Variants in FBN2 observed in about 807,000 individuals in gnomAD.
FBN2 encodes the protein fibrillin-2.
In FBN2, 105 loss-of-function variants were observed where a neutral mutation model predicts 355.6. The ratio of observed to expected loss-of-function variants is 0.30; its 90% CI spans 0.25 to 0.35. The LOEUF (loss-of-function observed/expected upper bound fraction) is 0.35. FBN2 is among the 10% of genes least tolerant of loss of function. FBN2 has a pLI of 1.00. For synonymous variants in FBN2, 1,350 were observed against 1,301.2 expected, an observed-to-expected ratio of 1.04 and a Z score of -0.81; for missense variants, 3,280 against 3,758.7, an observed-to-expected ratio of 0.87 and a Z score of 3.33.
At chr5:128,364,354 G>A (rs1241531392) in intron 18 of FBN2, among the ~76,000 whole-genome samples, 1 of 151,916 alleles carries the variant, frequency 6.6e-6, no homozygotes, top group East Asian at 1.9e-4. Context: ...GAAAACAATA[G>A]GCAAATAATT....
At chr5:128,385,270 A>C (rs1422665931) in intron 11 of FBN2, among the ~76,000 whole-genome samples, 2 of 151,994 alleles carry the variant, frequency 1.3e-5, no homozygotes, top group African/African-American at 4.8e-5. Flanking sequence ...ACATGTACTG[A>C]ATGTTTAGCT....
chr5:128,350,046 A>G, intron 21 of FBN2, 41 bp from the exon 22 acceptor site: 1 of 1,485,676 alleles, frequency 6.7e-7, no homozygotes, highest in Non-Finnish European at 9.4e-7. Context: ...ATTATAGAAT[A>G]AAATACAACC....
At chr5:128,366,300 T>C (rs1751765388) in intron 17 of FBN2, 77 bp downstream of exon 17, 2 of 701,622 alleles carry the variant, frequency 2.9e-6, no homozygotes, top group African/African-American at 1.8e-5. Flanking sequence ...TTAAATATAC[T>C]CATATTAATA....
In FBN2 at chr5:128,259,479, C is replaced by G; in HGVS notation, c.8715G>C (p.Met2905Ile). The G allele has an allele frequency of 6.2e-7, 1 of 1,613,532 alleles. No homozygotes were observed. Among genetic ancestry groups the G allele is most frequent in the Non-Finnish European group, 8.5e-7 (1 of 1,180,006 alleles). ...GTTAATAGAGCTGAATCTGCAGCCTCATTCTGAGAGCCTCCCCAAGCTCCC... is the reference window on the plus strand; with the variant it reads ...GTTAATAGAGCTGAATCTGCAGCCTGATTCTGAGAGCCTCCCCAAGCTCCC... The part of the protein sequence containing the change: ...LLGELGEALR[M>I]RLQIQLY Residue 2905 changes from methionine (M) to isoleucine (I), a missense_variant, in exon 65 of 65, where the codon ATG becomes ATC. Transcript: ENST00000262464.
intron 48 of FBN2, among the ~76,000 whole-genome samples, chr5:128,299,149 G>T (rs1383148704): frequency 6.6e-6 from 1 of 151,974 alleles, no homozygotes; most frequent in Non-Finnish European, 1.5e-5. Flanking sequence ...CTGCTCGGGG[G>T]TCAGGGGTCA....
chr5:128,394,147 G>C (rs1321584091), intron 9 of FBN2, among the ~76,000 whole-genome samples: 17 of 152,052 alleles, frequency 1.1e-4, no homozygotes, highest in Admixed American at 1.1e-3. Flanking sequence ...TATCTTTTCT[G>C]TTAACAGTAC....
chr5:128,291,714 T>A, intron 48 of FBN2, 60 bp from the exon 49 acceptor site: 1 of 1,464,326 alleles, frequency 6.8e-7, no homozygotes, highest in South Asian at 1.1e-5. Context: ...CAATTGTCCA[T>A]ACTATCACTG....
chr5:128,353,403 G>C (rs190901853), intron 20 of FBN2, among the ~76,000 whole-genome samples: 7 of 152,258 alleles, frequency 4.6e-5, no homozygotes, highest in Admixed American at 2.0e-4. Context: ...GTGTGAAAAA[G>C]AGCTGGACAG....
chr5:128,494,858 T>C (rs983190979), intron 5 of FBN2, among the ~76,000 whole-genome samples: 3 of 152,188 alleles, frequency 2.0e-5, no homozygotes, highest in African/African-American at 7.2e-5. Context: ...CTTATTTTAA[T>C]GTAGAGTTTT....
chr5:128,383,639 A>G (rs1223567766), intron 11 of FBN2, among the ~76,000 whole-genome samples: 1 of 152,110 alleles, frequency 6.6e-6, no homozygotes, highest in Non-Finnish European at 1.5e-5. Flanking sequence ...TTTAAAATGG[A>G]CCAAGATTTG....
chr5:128,421,928 G>A (rs1181163528), intron 7 of FBN2, among the ~76,000 whole-genome samples: 1 of 152,116 alleles, frequency 6.6e-6, no homozygotes, highest in East Asian at 1.9e-4. Flanking sequence ...TAGATTATCT[G>A]GTCCTCTGTC....
chr5:128,465,024 A>G, intron 5 of FBN2, 103 bp from the exon 6 acceptor site: 1 of 1,117,738 alleles, frequency 8.9e-7, no homozygotes, highest in Non-Finnish European at 1.4e-6. Context: ...TTCTGACCAA[A>G]GTGTCCAAAG....
chr5:128,526,334 G>T (rs1482571928), intron 4 of FBN2, among the ~76,000 whole-genome samples: 1 of 152,070 alleles, frequency 6.6e-6, no homozygotes, highest in Non-Finnish European at 1.5e-5. Context: ...GTGGAAAACA[G>T]TATGGCAGCA....
intron 8 of FBN2, among the ~76,000 whole-genome samples, chr5:128,403,931 A>G (rs1752863816): frequency 6.6e-6 from 1 of 152,210 alleles, no homozygotes. Context: ...AAGAAATAGG[A>G]TCAAGTTTAC....
intron 55 of FBN2, among the ~76,000 whole-genome samples, chr5:128,280,554 A>T (rs1488622954): frequency 1.3e-5 from 2 of 152,086 alleles, no homozygotes; most frequent in Non-Finnish European, 2.9e-5. Context: ...TCTGCAGAGA[A>T]GGGATAGTGT....
At chr5:128,294,042 G>A (rs927437197) in intron 48 of FBN2, among the ~76,000 whole-genome samples, 3 of 150,950 alleles carry the variant, frequency 2.0e-5, no homozygotes, top group Non-Finnish European at 2.9e-5. Flanking sequence ...CTGTGTCCAT[G>A]TGTTCTCATT....
intron 6 of FBN2, among the ~76,000 whole-genome samples, chr5:128,451,907 GA>G (rs1286305996): frequency 2.0e-5 from 3 of 152,050 alleles, no homozygotes; most frequent in Non-Finnish European, 4.4e-5. Context: ...TTTTCAAAAA[GA>G]AAAACAATTC....
At chr5:128,508,748 T>A (rs943318042) in intron 5 of FBN2, among the ~76,000 whole-genome samples, 3 of 152,028 alleles carry the variant, frequency 2.0e-5, no homozygotes, top group Non-Finnish European at 2.9e-5. Context: ...CCTAAAGAAC[T>A]GCCTTAATAT....
chr5:128,446,680 A>C (rs1479163917), intron 6 of FBN2, 74 bp from the exon 7 acceptor site: 10 of 1,500,962 alleles, frequency 6.7e-6, no homozygotes, highest in Non-Finnish European at 9.2e-6. Flanking sequence ...TACTATAAAA[A>C]CTTTATATAA....
Sources: allele counts gnomAD v4.1 joint callset (sites outside exome capture counted in the v4.1 genomes callset), GRCh38; gene constraint gnomAD v4.1.1; transcripts MANE v1.5; gene names NCBI Gene and HGNC (gene_info 2026-07-23, HGNC 2026-07-21).